AMOTL1: variants seen among roughly 807,000 people sequenced by gnomAD.
The protein encoded by AMOTL1 is angiomotin like 1, also known as angiomotin-like protein 1.
AMOTL1 carries 45 observed loss-of-function variants against 102.9 expected under a neutral mutation model. That is an observed-to-expected ratio of 0.44 (90% CI 0.34 to 0.56). The LOEUF (loss-of-function observed/expected upper bound fraction) is 0.56, where lower values mean the gene tolerates loss of function less well. Ranked by LOEUF, AMOTL1 falls within the 20% of genes least tolerant of loss-of-function variation. The probability of loss-of-function intolerance (pLI) is 0.01; values close to 1 mark genes in which losing one functional copy is unlikely to be tolerated. For missense variants in AMOTL1, 1,114 were observed against 1,225.6 expected (o/e 0.91, Z 1.36); for synonymous variants, 481 against 484.7 (o/e 0.99, Z 0.10).
At chr11:94,804,761 T>A (rs1423075071) in intron 3 of AMOTL1, among the ~76,000 whole-genome samples, 1 of 152,182 alleles carries the variant, frequency 6.6e-6, no homozygotes, top group African/African-American at 2.4e-5. Flanking sequence ...CTAAAATCTG[T>A]TTTTTCTAAC....
In AMOTL1 at chr11:94,800,324, T is replaced by C. The variant is rs1951454007; in HGVS notation, c.1121+13T>C. On this transcript the variant is annotated intron_variant, in intron 3 of 12. Coordinates refer to ENST00000433060, the MANE Select transcript of AMOTL1 (RefSeq NM_130847.3). ...ATGGGGTAACGAGGTGATTATCAACTGCAGACGTTTCGTGCGGCTTTTCAA... is the reference window on the plus strand; with the variant it reads ...ATGGGGTAACGAGGTGATTATCAACCGCAGACGTTTCGTGCGGCTTTTCAA... 6.4e-7 allele frequency: 1 copy of C among 1,560,738 alleles called. No individual in the cohort carries two copies. The highest frequency in any genetic ancestry group is 2.3e-5 in the East Asian group (1 of 44,236).
chr11:94,787,204 A>G (rs1242995372), intron 1 of AMOTL1, among the ~76,000 whole-genome samples: 1 of 152,166 alleles, frequency 6.6e-6, no homozygotes, highest in African/African-American at 2.4e-5. Context: ...TAGAGCTTCA[A>G]AAGACTTTCT....
At chr11:94,810,193 A>G (rs1483148078) in intron 3 of AMOTL1, among the ~76,000 whole-genome samples, 1 of 152,220 alleles carries the variant, frequency 6.6e-6, no homozygotes, top group African/African-American at 2.4e-5. Context: ...GGAGATTAAA[A>G]ATGGATGCCA....
At chr11:94,752,923 G>C (rs935287716) in intron 3 of AMOTL1, among the ~76,000 whole-genome samples, 3 of 152,186 alleles carry the variant, frequency 2.0e-5, no homozygotes, top group African/African-American at 7.2e-5. Flanking sequence ...AGGGTTTGCT[G>C]TTTACTGTCT....
intron 1 of AMOTL1, among the ~76,000 whole-genome samples, chr11:94,722,459 A>G (rs1950188862): frequency 6.6e-6 from 1 of 152,156 alleles, no homozygotes; most frequent in African/African-American, 2.4e-5. Flanking sequence ...TGTACTAGGT[A>G]AATTACAGAC....
Position 94,869,412 on chromosome 11 carries a change from G to T in AMOTL1, c.2703G>T (p.Thr901=), listed in dbSNP as rs755363731. Residue 901 remains threonine, a synonymous_variant, in exon 12 of 13, where the codon ACG becomes ACT. Transcript: ENST00000433060. ...ASLPSRGRLS[T]TPAHSPVLKH... Reference sequence around the variant, plus strand: ...TTCCCAGCCGCGGCCGGCTGAGCACGACCCCTGCTCACAGCCCCGTCCTGA... The same window carrying T: ...TTCCCAGCCGCGGCCGGCTGAGCACTACCCCTGCTCACAGCCCCGTCCTGA... The T allele has an allele frequency of 6.2e-7, 1 of 1,605,098 alleles. No homozygotes were observed.
At chr11:94,791,795 A>G (rs1434304661) in intron 1 of AMOTL1, among the ~76,000 whole-genome samples, 2 of 152,306 alleles carry the variant, frequency 1.3e-5, no homozygotes, top group South Asian at 2.1e-4. Context: ...TTTATTTCCA[A>G]TTCCTCATTT....
At chr11:94,781,282 G>A (rs1460346080) in intron 1 of AMOTL1, among the ~76,000 whole-genome samples, 1 of 152,110 alleles carries the variant, frequency 6.6e-6, no homozygotes, top group Non-Finnish European at 1.5e-5. Context: ...CTGACTAATA[G>A]AGTTCAAGCA....
chr11:94,823,347 C>A (rs1243088536), intron 4 of AMOTL1, among the ~76,000 whole-genome samples: 1 of 152,104 alleles, frequency 6.6e-6, no homozygotes, highest in Non-Finnish European at 1.5e-5. Context: ...AGACAGGGGC[C>A]GCCTAAAGAT....
chr11:94,743,647 ACTT>A (rs1386402875), intron 3 of AMOTL1, among the ~76,000 whole-genome samples: 27 of 80,648 alleles, frequency 3.3e-4, no homozygotes, highest in African/African-American at 1.2e-3. Flanking sequence ...TACTCACAAT[ACTT>A]CTTTTTTTTT....
rs180857702 is a variant in AMOTL1, at chr11:94,847,265, C to T, written c.1649-2849C>T. On this transcript the variant is annotated intron_variant, in intron 6 of 12. Coordinates refer to ENST00000433060, the MANE Select transcript of AMOTL1 (RefSeq NM_130847.3). ...GGTCAGTACCAGCCATCTGATGTGT[C>T]GCGGCTTGTAAGCGAGCAGTGGGTT... 4.7e-4 allele frequency among the ~76,000 whole-genome samples: 71 copies of T among 152,224 alleles called. No homozygotes were observed. In the East Asian group the frequency reaches 9.9e-3, roughly 21 times the overall value.
rs1338023479 is a variant in AMOTL1 at position 94,707,250 on chromosome 11, C to CTCTCTCTGTGTG, written c.-51+654_-51+655insCTCTCTGTGTGT. ...TCTCTCTCTCTCTCTCTCTCTCTCT[C>CTCTCTCTGTGTG]TGTGTGTGTGTGTGTGTGTGTGTGT... On this transcript the variant is annotated intron_variant, in intron 1 of 4. Transcript: ENST00000299004. Among the ~76,000 whole-genome samples, 175 of 71,772 alleles carry CTCTCTCTGTGTG rather than the reference C, an allele frequency of 2.4e-3. 1 individual carries two copies. The highest frequency in any genetic ancestry group is 6.8e-3 in the African/African-American group (171 of 25,166). 47.1% of individuals were successfully genotyped at this position (71,772 alleles called of 152,430 possible).
intron 1 of AMOTL1, among the ~76,000 whole-genome samples, chr11:94,781,702 G>GT (rs987878921): frequency 5.9e-5 from 9 of 152,136 alleles, no homozygotes; most frequent in African/African-American, 2.2e-4. Flanking sequence ...GGGTGTGGTG[G>GT]TGCATGCCTG....
intron 3 of AMOTL1, among the ~76,000 whole-genome samples, chr11:94,808,975 T>C (rs1230574804): frequency 1.9e-4 from 16 of 83,486 alleles, no homozygotes; most frequent in African/African-American, 5.8e-4. Context: ...CTTTTTTTTT[T>C]TTTTTTTTTT....
intron 2 of AMOTL1, among the ~76,000 whole-genome samples, chr11:94,796,277 T>G (rs2135563627): frequency 6.6e-6 from 1 of 152,226 alleles, no homozygotes; most frequent in South Asian, 2.1e-4. Flanking sequence ...AGGTGAGATT[T>G]TGGGGGTAAG....
chr11:94,803,001 G>A (rs143628867), intron 3 of AMOTL1, among the ~76,000 whole-genome samples: 12 of 152,290 alleles, frequency 7.9e-5, no homozygotes, highest in African/African-American at 2.6e-4. Flanking sequence ...GTGTACATAC[G>A]TACAACCACA....
rs760577417 is a variant in AMOTL1, at chr11:94,799,829, G to T, written c.639G>T (p.Ala213=). The change falls in exon 3 of 13, where the codon GCG becomes GCT. Residue 213 remains alanine, a synonymous_variant. Coordinates refer to ENST00000433060, the MANE Select transcript of AMOTL1 (RefSeq NM_130847.3). The surrounding 1 kb of genome is among the most constrained non-coding windows in gnomAD (Gnocchi z 4.5). ...GQQQQQQQQG[A]VGHGYYMAGG... Reference sequence around the variant, plus strand: ...AGCAGCAGCAACAGCAGCAGGGGGCGGTGGGCCATGGTTACTACATGGCAG... The same window carrying T: ...AGCAGCAGCAACAGCAGCAGGGGGCTGTGGGCCATGGTTACTACATGGCAG... 36 of 1,592,690 alleles carry T rather than the reference G, an allele frequency of 2.3e-5. No individual in the cohort carries two copies. The South Asian group carries it at 3.9e-4, about 17-fold the overall frequency.
chr11:94,816,380 G>A (rs1205632435), intron 3 of AMOTL1, among the ~76,000 whole-genome samples: 1 of 152,062 alleles, frequency 6.6e-6, no homozygotes, highest in Admixed American at 6.6e-5. Flanking sequence ...ATTTTTACTT[G>A]TTACCTAAGA....
chr11:94,709,595 C>G (rs1414896660), intron 1 of AMOTL1, among the ~76,000 whole-genome samples: 1 of 152,064 alleles, frequency 6.6e-6, no homozygotes, highest in Non-Finnish European at 1.5e-5. Context: ...GGATTGAATC[C>G]CAACCAGTCC....
Sources: allele counts gnomAD v4.1 joint callset (sites outside exome capture counted in the v4.1 genomes callset), GRCh38; gene constraint gnomAD v4.1.1; non-coding constraint Gnocchi (gnomAD v3.1); transcripts MANE v1.5; gene names NCBI Gene and HGNC (gene_info 2026-07-23, HGNC 2026-07-21).